ADGRL3: variants seen among roughly 807,000 people sequenced by gnomAD.
ADGRL3 encodes adhesion G protein-coupled receptor L3.
A neutral mutation model predicts 153.5 loss-of-function variants in ADGRL3; 62 were observed. The observed-to-expected ratio is 0.40, with a 90% CI of 0.33 to 0.50. The LOEUF (loss-of-function observed/expected upper bound fraction) is 0.50. Among genes scored for constraint, ADGRL3 ranks in the 20% least tolerant of loss-of-function variants. The pLI is 0.47. For synonymous variants in ADGRL3, 710 were observed against 672.5 expected (o/e 1.06, Z -0.86); for missense variants, 1,641 against 1,859.4 (o/e 0.88, Z 2.16).
chr4:61,615,217 T>C (rs1169305341), intron 5 of ADGRL3, among the ~76,000 whole-genome samples: 1 of 152,130 alleles, frequency 6.6e-6, no homozygotes, highest in African/African-American at 2.4e-5. Flanking sequence ...GAGAAATAAC[T>C]CTTCCGAATT....
chr4:61,609,956 G>C (rs2099046700), intron 5 of ADGRL3, among the ~76,000 whole-genome samples: 1 of 151,884 alleles, frequency 6.6e-6, no homozygotes, highest in Admixed American at 6.6e-5. Context: ...GCACAGGGTG[G>C]TTTGTATTTA....
intron 9 of ADGRL3, among the ~76,000 whole-genome samples, chr4:61,864,309 C>T (rs983157589): frequency 6.6e-6 from 1 of 152,126 alleles, no homozygotes; most frequent in Non-Finnish European, 1.5e-5. Flanking sequence ...AATAACTTCT[C>T]TAAGTCAATA....
At chr4:61,370,215 G>A (rs1197858259) in intron 1 of ADGRL3, among the ~76,000 whole-genome samples, 5 of 151,186 alleles carry the variant, frequency 3.3e-5, no homozygotes, top group Non-Finnish European at 5.9e-5. Context: ...AGGGTTTTTT[G>A]TGTCTCTATT....
intron 17 of ADGRL3, among the ~76,000 whole-genome samples, chr4:61,975,222 C>T (rs7667199): frequency 0.61 from 92,221 of 151,910 alleles, 29,751 homozygotes; most frequent in Non-Finnish European, 0.74. Flanking sequence ...AGTCAGAATA[C>T]GGAAAAGGGG....
chr4:61,763,958 C>G (rs2096942789), intron 8 of ADGRL3, among the ~76,000 whole-genome samples: 1 of 152,106 alleles, frequency 6.6e-6, no homozygotes, highest in Non-Finnish European at 1.5e-5. Flanking sequence ...GCTAATAACT[C>G]AGAATACATA....
intron 5 of ADGRL3, among the ~76,000 whole-genome samples, chr4:61,601,812 A>G (rs975340310): frequency 3.3e-5 from 5 of 152,194 alleles, no homozygotes; most frequent in Non-Finnish European, 5.9e-5. Context: ...ATAAATTTAT[A>G]TCTTCCTTTA....
At position 61,573,604 on chromosome 4, in the gene ADGRL3, G is replaced by A. The variant is rs2098847941; in HGVS notation, c.260-13623G>A. Among the ~76,000 whole-genome samples, 4 of 151,616 alleles carry A rather than the reference G, an allele frequency of 2.6e-5. No individual in the cohort carries two copies. In the East Asian group the frequency reaches 5.8e-4, roughly 22 times the overall value. On this transcript the variant is annotated intron_variant, in intron 4 of 26. Transcript: ENST00000683033. Reference sequence around the variant, plus strand: ...TCATGTAATATTAAATTATTTTTTAGCAAAATAGAAATCCATTAATTCATA... The same window carrying A: ...TCATGTAATATTAAATTATTTTTTAACAAAATAGAAATCCATTAATTCATA...
In ADGRL3 at chr4:61,456,429, CTATATATATAGATATA is replaced by C. The variant is rs1560664795; in HGVS notation, c.-173-40690_-173-40675del. On this transcript the variant is annotated intron_variant, in intron 2 of 26. Coordinates refer to ENST00000683033, the MANE Select transcript of ADGRL3 (RefSeq NM_001387552.1). ...TATATATATATAGATATATCTATAT[CTATATATATAGATATA>C]TCTATATCTATATATATAGATATAT... Among the ~76,000 whole-genome samples the C allele has an allele frequency of 3.1e-3, 107 of 34,266 alleles. 2 individuals are homozygous for C. Among genetic ancestry groups the C allele is most frequent in the African/African-American group, 7.2e-3 (101 of 14,090 alleles). 22.5% of individuals were successfully genotyped at this position (34,266 alleles called of 152,430 possible).
At chr4:61,983,875 AC>A (rs1408251448) in intron 19 of ADGRL3, among the ~76,000 whole-genome samples, 1 of 152,218 alleles carries the variant, frequency 6.6e-6, no homozygotes, top group African/African-American at 2.4e-5. Flanking sequence ...TTTCTTCAGA[AC>A]ATTAAGACAT....
At chr4:61,706,846 GA>G (rs2095865991) in intron 6 of ADGRL3, among the ~76,000 whole-genome samples, 1 of 151,926 alleles carries the variant, frequency 6.6e-6, no homozygotes, top group African/African-American at 2.4e-5. Context: ...TTTCCTTCAG[GA>G]ACTTTTCCTT....
At chr4:61,798,859 A>G (rs937481945) in intron 8 of ADGRL3, among the ~76,000 whole-genome samples, 22 of 151,014 alleles carry the variant, frequency 1.5e-4, no homozygotes, top group Non-Finnish European at 3.0e-4. Context: ...CAAGTGATCC[A>G]CTAGCCTCAG....
At chr4:61,727,508 A>G (rs1476877247) in intron 6 of ADGRL3, among the ~76,000 whole-genome samples, 2 of 152,250 alleles carry the variant, frequency 1.3e-5, no homozygotes, top group East Asian at 3.9e-4. Context: ...AGAGATCCTG[A>G]AAAAGGCCCT....
chr4:61,758,439 T>A (rs1190923710), intron 8 of ADGRL3, among the ~76,000 whole-genome samples: 1 of 152,216 alleles, frequency 6.6e-6, no homozygotes, highest in Non-Finnish European at 1.5e-5. Context: ...ATGTAATGTC[T>A]TCCTTTTCTC....
In ADGRL3 at chr4:62,076,678, A is replaced by C. The variant is rs1488817170; in HGVS notation, c.*5770A>C. 3 of 151,978 alleles carry C rather than the reference A, an allele frequency of 2.0e-5. No individual in the cohort carries two copies. The highest frequency in any genetic ancestry group is 7.2e-5 in the African/African-American group (3 of 41,440). The allele number at this position is 151,978 out of a possible 1,614,324, so 9.4% of individuals were successfully genotyped here. On this transcript the variant is annotated 3_prime_UTR_variant, in exon 27 of 27. Transcript: ENST00000683033. ...GCTAATTCCACGGGAAACATTAAAT[A>C]CTTTAAACACTCTTGAGATATTTCG...
rs1218380221 is a variant in ADGRL3, at chr4:61,624,530, T to C, written c.473+37090T>C. On this transcript the variant is annotated intron_variant, in intron 5 of 26. Coordinates refer to ENST00000683033, the MANE Select transcript of ADGRL3 (RefSeq NM_001387552.1). ...AACTCAAGCCCTTCCCAACCAGGGT[T>C]CCTTGAAAGAATTAAGCCCTAAATG... is the stretch of plus-strand genomic sequence containing the variant. Among the ~76,000 whole-genome samples, 3 of 152,090 alleles carry C rather than the reference T, an allele frequency of 2.0e-5. No homozygotes were observed. In the East Asian group the frequency reaches 5.8e-4, roughly 29 times the overall value.
intron 5 of ADGRL3, among the ~76,000 whole-genome samples, chr4:61,630,634 A>T (rs1469515191): frequency 6.6e-6 from 1 of 152,208 alleles, no homozygotes; most frequent in Non-Finnish European, 1.5e-5. Flanking sequence ...ACTTTCTCAT[A>T]GTCATCATGT....
At chr4:61,862,729 T>C (rs2098355886) in intron 9 of ADGRL3, among the ~76,000 whole-genome samples, 1 of 152,128 alleles carries the variant, frequency 6.6e-6, no homozygotes, top group South Asian at 2.1e-4. Flanking sequence ...GTCTCTATCC[T>C]AGACTGCTGA....
chr4:61,205,075 G>A (rs1736501224), intron 1 of ADGRL3, among the ~76,000 whole-genome samples: 1 of 152,080 alleles, frequency 6.6e-6, no homozygotes, highest in Non-Finnish European at 1.5e-5. Flanking sequence ...TTTTTTTATG[G>A]ATTTGATTTA....
chr4:61,418,815 G>A (rs989907798), intron 2 of ADGRL3, among the ~76,000 whole-genome samples: 1 of 150,448 alleles, frequency 6.6e-6, no homozygotes, highest in African/African-American at 2.5e-5. Flanking sequence ...CTTCCATGAG[G>A]GCCATTTAAG....
Sources: allele counts gnomAD v4.1 joint callset (sites outside exome capture counted in the v4.1 genomes callset), GRCh38; gene constraint gnomAD v4.1.1; transcripts MANE v1.5; gene names NCBI Gene and HGNC (gene_info 2026-07-23, HGNC 2026-07-21).